LRRC4C: variants seen among roughly 807,000 people sequenced by gnomAD.
LRRC4C encodes the protein leucine-rich repeat-containing protein 4C.
In LRRC4C, 5 loss-of-function variants were observed where a neutral mutation model predicts 33.6. The ratio of observed to expected loss-of-function variants is 0.15; its 90% CI spans 0.08 to 0.31. The LOEUF (loss-of-function observed/expected upper bound fraction) is 0.31. Ranked by LOEUF, LRRC4C falls within the 10% of genes least tolerant of loss-of-function variation. The pLI, the probability that LRRC4C is intolerant of heterozygous loss-of-function variation, is 1.00. For synonymous variants in LRRC4C, 329 were observed against 302.0 expected, an observed-to-expected ratio of 1.09 and a Z score of -0.93; for missense variants, 560 against 796.7, an observed-to-expected ratio of 0.70 and a Z score of 3.58.
intron 1 of LRRC4C, among the ~76,000 whole-genome samples, chr11:41,149,422 G>C (rs1943886110): frequency 6.6e-6 from 1 of 151,062 alleles, no homozygotes; most frequent in Non-Finnish European, 1.5e-5. Context: ...CAGGAGAATG[G>C]CGTGAACAAC....
intron 4 of LRRC4C, among the ~76,000 whole-genome samples, chr11:40,287,311 G>A (rs145214790): frequency 4.5e-4 from 66 of 147,178 alleles, no homozygotes; most frequent in South Asian, 3.5e-3. Flanking sequence ...CAGTATACTC[G>A]TTGGCTTTTG....
At chr11:41,155,570 C>T (rs995942400) in intron 1 of LRRC4C, among the ~76,000 whole-genome samples, 1 of 152,068 alleles carries the variant, frequency 6.6e-6, no homozygotes, top group Non-Finnish European at 1.5e-5. Context: ...ATGGACTCAT[C>T]CGTTGAGAGA....
At chr11:41,139,854 G>A (rs532932877) in intron 1 of LRRC4C, among the ~76,000 whole-genome samples, 2 of 152,100 alleles carry the variant, frequency 1.3e-5, no homozygotes, top group Non-Finnish European at 2.9e-5. Flanking sequence ...TGTGGGAGAC[G>A]GTGTGGTGGT....
intron 2 of LRRC4C, among the ~76,000 whole-genome samples, chr11:40,855,719 C>T (rs1435368464): frequency 6.6e-6 from 1 of 152,040 alleles, no homozygotes; most frequent in Non-Finnish European, 1.5e-5. Flanking sequence ...TGAGACTGAG[C>T]CTGTGAGTTG....
At chr11:41,316,507 C>T (rs528451591) in intron 1 of LRRC4C, among the ~76,000 whole-genome samples, 16 of 152,154 alleles carry the variant, frequency 1.1e-4, no homozygotes, top group African/African-American at 3.6e-4. Context: ...TTTTATATAT[C>T]ACCTACAGGA....
At position 40,716,517 on chromosome 11, in the gene LRRC4C, T is replaced by A. The variant is rs1946726982; in HGVS notation, c.-406-68239A>T. On this transcript the variant is annotated intron_variant, in intron 2 of 6. Transcript: ENST00000528697. ...TTTTGGGCCTCTGGGCAGGAGGTCA[T>A]AGCAAATATTTGCTATGTGCTGAAG... Among the ~76,000 whole-genome samples the A allele has an allele frequency of 4.6e-5, 7 of 152,118 alleles. No homozygotes were observed. The South Asian group carries it at 1.5e-3, about 32-fold the overall frequency.
chr11:40,439,368 G>T (rs1017158647), intron 3 of LRRC4C, among the ~76,000 whole-genome samples: 1 of 151,976 alleles, frequency 6.6e-6, no homozygotes, highest in Non-Finnish European at 1.5e-5. Context: ...TATTTATAAA[G>T]TGAGAGAATT....
chr11:40,381,979 G>A (rs1300624598), intron 3 of LRRC4C, among the ~76,000 whole-genome samples: 1 of 69,558 alleles, frequency 1.4e-5, no homozygotes, highest in Non-Finnish European at 2.9e-5. Context: ...TTTTTTTTGA[G>A]AGAGTCCCGC....
chr11:40,685,010 T>C lies in LRRC4C; in HGVS notation c.-406-36732A>G, dbSNP rs796450141. On this transcript the variant is annotated intron_variant, in intron 2 of 6. Transcript: ENST00000528697. ...ACACTCATTAGAAAAATATGAATAG[T>C]AGGTATAAATAAGTTTCTTAACAAA... Among the ~76,000 whole-genome samples the C allele has an allele frequency of 4.5e-4, 68 of 152,160 alleles. 1 individual carries two copies. Among genetic ancestry groups the C allele is most frequent in the African/African-American group, 1.6e-3 (67 of 41,568 alleles).
intron 1 of LRRC4C, among the ~76,000 whole-genome samples, chr11:41,103,553 A>T (rs1002741396): frequency 6.6e-6 from 1 of 151,282 alleles, no homozygotes. Flanking sequence ...CATAGAAATG[A>T]GTACGACAGA....
At chr11:41,209,387 G>A (rs770118696) in intron 1 of LRRC4C, among the ~76,000 whole-genome samples, 20 of 151,796 alleles carry the variant, frequency 1.3e-4, no homozygotes, top group Admixed American at 3.3e-4. Flanking sequence ...CAGTCTCACC[G>A]TTGTATTTTA....
At chr11:40,686,726 C>T (rs1198119766) in intron 2 of LRRC4C, among the ~76,000 whole-genome samples, 1 of 151,986 alleles carries the variant, frequency 6.6e-6, no homozygotes, top group Non-Finnish European at 1.5e-5. Flanking sequence ...CAGTGTTTCT[C>T]TAATTATATT....
intron 1 of LRRC4C, among the ~76,000 whole-genome samples, chr11:41,349,405 C>A (rs970933937): frequency 6.6e-6 from 1 of 152,120 alleles, no homozygotes; most frequent in Admixed American, 6.5e-5. Context: ...GGACTGGGAA[C>A]ACCTCAACCC....
At chr11:41,288,652 C>T (rs1479285562) in intron 1 of LRRC4C, among the ~76,000 whole-genome samples, 1 of 152,160 alleles carries the variant, frequency 6.6e-6, no homozygotes, top group Admixed American at 6.5e-5. Context: ...ACAATACCCA[C>T]TTATTATATC....
chr11:40,829,469 G>A (rs1952311865), intron 2 of LRRC4C, among the ~76,000 whole-genome samples: 1 of 152,000 alleles, frequency 6.6e-6, no homozygotes, highest in African/African-American at 2.4e-5. Flanking sequence ...TGGCAATGCA[G>A]AGATTTTGCT....
chr11:40,678,546 C>A (rs1265078947), intron 2 of LRRC4C, among the ~76,000 whole-genome samples: 5 of 152,076 alleles, frequency 3.3e-5, no homozygotes, highest in African/African-American at 9.7e-5. Context: ...CTCCCATAAT[C>A]CCCATGCATC....
chr11:40,895,109 G>T (rs1324638087), intron 2 of LRRC4C, among the ~76,000 whole-genome samples: 1 of 151,792 alleles, frequency 6.6e-6, no homozygotes, highest in Non-Finnish European at 1.5e-5. Flanking sequence ...AGAGTTTTTG[G>T]CTGAAATAAT....
At chr11:40,442,039 T>C (rs1313867039) in intron 3 of LRRC4C, among the ~76,000 whole-genome samples, 1 of 151,850 alleles carries the variant, frequency 6.6e-6, no homozygotes, top group Non-Finnish European at 1.5e-5. Flanking sequence ...GGCAGGCGAC[T>C]GTAGTCTCAG....
chr11:40,310,927 G>A (rs1945274248), intron 4 of LRRC4C, among the ~76,000 whole-genome samples: 2 of 152,174 alleles, frequency 1.3e-5, no homozygotes, highest in Non-Finnish European at 2.9e-5. Flanking sequence ...AAAACCATAT[G>A]CATTAATTCG....
Sources: allele counts gnomAD v4.1 joint callset (sites outside exome capture counted in the v4.1 genomes callset), GRCh38; gene constraint gnomAD v4.1.1; transcripts MANE v1.5; gene names NCBI Gene and HGNC (gene_info 2026-07-23, HGNC 2026-07-21).